PCDH15: variants seen among roughly 807,000 people sequenced by gnomAD.
PCDH15 encodes protocadherin-15.
Under a neutral mutation model 178.5 loss-of-function variants are expected in PCDH15, and 129 were observed. The observed-to-expected ratio is 0.72, with a 90% CI of 0.63 to 0.84. The LOEUF is 0.84. PCDH15 is among the 40% of genes least tolerant of loss of function. The pLI is 0.00. For synonymous variants in PCDH15, 800 were observed against 732.0 expected, an observed-to-expected ratio of 1.09 and a Z score of -1.50; for missense variants, 2,230 against 2,099.9, an observed-to-expected ratio of 1.06 and a Z score of -1.21.
At chr10:54,975,927 C>T (rs754371328) in intron 2 of PCDH15, among the ~76,000 whole-genome samples, 38 of 151,970 alleles carry the variant, frequency 2.5e-4, no homozygotes, top group East Asian at 3.9e-4. Context: ...AATTTTAGAA[C>T]GCAAGTTTTT....
At chr10:54,102,159 C>CA (rs1266739942) in intron 15 of PCDH15, among the ~76,000 whole-genome samples, 4 of 152,070 alleles carry the variant, frequency 2.6e-5, no homozygotes, top group Non-Finnish European at 4.4e-5. Flanking sequence ...TCTCCCTTTC[C>CA]AAAAACCTAT....
Position 54,854,611 on chromosome 10 carries a change from T to C in PCDH15, c.-29+42839A>G, listed in dbSNP as rs73256029. On this transcript the variant is annotated intron_variant, in intron 3 of 5. Transcript: ENST00000458638. Reference sequence around the variant, plus strand: ...GGAGTGGACAGCTCCTCTCTGCAGCTGATCATCCTGACATCTGCTGCTCTC... The same window carrying C: ...GGAGTGGACAGCTCCTCTCTGCAGCCGATCATCCTGACATCTGCTGCTCTC... Among the ~76,000 whole-genome samples, 495 of 152,258 alleles carry C rather than the reference T, an allele frequency of 3.3e-3. 1 individual carries two copies. The highest frequency in any genetic ancestry group is 0.011 in the African/African-American group (477 of 41,566).
chr10:54,290,951 G>A (rs910071672), intron 8 of PCDH15, among the ~76,000 whole-genome samples: 2 of 152,202 alleles, frequency 1.3e-5, no homozygotes, highest in Admixed American at 6.5e-5. Flanking sequence ...AATAATGGGA[G>A]ACTTTAACGC....
chr10:54,995,395 A>G (rs1839615462), intron 2 of PCDH15, among the ~76,000 whole-genome samples: 1 of 151,202 alleles, frequency 6.6e-6, no homozygotes, highest in Non-Finnish European at 1.5e-5. Context: ...CCGTCTCAAA[A>G]AAAAAAAAAA....
chr10:54,317,476 T>C (rs1371019150), intron 7 of PCDH15, 35 bp from the exon 8 acceptor site: 4 of 1,611,258 alleles, frequency 2.5e-6, no homozygotes, highest in South Asian at 2.2e-5. Context: ...AGGTAGTTTA[T>C]AGAAATTAGG....
chr10:54,582,637 G>T (rs1051163290), intron 2 of PCDH15, among the ~76,000 whole-genome samples: 33 of 152,100 alleles, frequency 2.2e-4, no homozygotes, highest in Non-Finnish European at 8.8e-5. Flanking sequence ...TACTGGCAAG[G>T]TGTGGTGTCT....
chr10:54,127,727 T>TGAATAAG (rs1173286481), intron 15 of PCDH15, among the ~76,000 whole-genome samples: 1 of 152,182 alleles, frequency 6.6e-6, no homozygotes, highest in Non-Finnish European at 1.5e-5. Context: ...ATACTCAGTT[T>TGAATAAG]GAATAAGGAA....
intron 2 of PCDH15, chr10:55,166,426 T>C (rs1015280145): frequency 1.3e-5 from 2 of 152,176 alleles, no homozygotes; most frequent in Non-Finnish European, 2.9e-5. Flanking sequence ...GAATCCAACA[T>C]AACATATATC....
intron 3 of PCDH15, among the ~76,000 whole-genome samples, chr10:54,860,131 TC>T (rs1953813524): frequency 6.6e-6 from 1 of 152,042 alleles, no homozygotes; most frequent in Non-Finnish European, 1.5e-5. Context: ...CTTTCCTTGT[TC>T]TACTGAGTTT....
chr10:55,206,107 G>A (rs1840392786), intron 1 of PCDH15, among the ~76,000 whole-genome samples: 2 of 151,880 alleles, frequency 1.3e-5, no homozygotes, highest in African/African-American at 4.8e-5. Context: ...GGGACACAGG[G>A]CCAAACCATA....
intron 26 of PCDH15, among the ~76,000 whole-genome samples, chr10:53,889,976 G>A (rs542964020): frequency 2.6e-5 from 4 of 152,332 alleles, no homozygotes; most frequent in Non-Finnish European, 1.5e-5. Flanking sequence ...GGGATGTGGA[G>A]CAGGAACTGG....
At chr10:54,243,508 A>G (rs138854018) in intron 8 of PCDH15, among the ~76,000 whole-genome samples, 358 of 151,442 alleles carry the variant, frequency 2.4e-3, no homozygotes, top group African/African-American at 8.4e-3. Context: ...CTCAGCGTCA[A>G]AAAAAAAAGT....
intron 2 of PCDH15, among the ~76,000 whole-genome samples, chr10:54,632,670 G>A (rs1468007638): frequency 6.6e-6 from 1 of 151,968 alleles, no homozygotes; most frequent in Non-Finnish European, 1.5e-5. Flanking sequence ...AGAATAAGGG[G>A]ACACTGACAT....
chr10:54,667,569 G>A (rs116917847), intron 1 of PCDH15, among the ~76,000 whole-genome samples: 6,609 of 152,144 alleles, frequency 0.043, 193 homozygotes, highest in Middle Eastern at 0.085. Flanking sequence ...TCCTATAGGA[G>A]ATGAATTCCA....
At chr10:53,982,788 T>G (rs2090771362) in intron 21 of PCDH15, among the ~76,000 whole-genome samples, 1 of 151,684 alleles carries the variant, frequency 6.6e-6, no homozygotes, top group African/African-American at 2.4e-5. Flanking sequence ...ACCTGCACAT[T>G]GTGCACATGT....
chr10:54,079,902 A>G (rs2094409076), intron 16 of PCDH15, among the ~76,000 whole-genome samples: 1 of 152,126 alleles, frequency 6.6e-6, no homozygotes, highest in Admixed American at 6.6e-5. Context: ...TATGGATAAA[A>G]GTTTTTCTTT....
chr10:54,960,896 C>A (rs1203600358), intron 2 of PCDH15, among the ~76,000 whole-genome samples: 1 of 152,098 alleles, frequency 6.6e-6, no homozygotes, highest in Non-Finnish European at 1.5e-5. Flanking sequence ...ATTCTGATAA[C>A]AGATCAGAGA....
intron 2 of PCDH15, among the ~76,000 whole-genome samples, chr10:54,568,940 T>C (rs2089419430): frequency 6.6e-6 from 1 of 152,042 alleles, no homozygotes; most frequent in Admixed American, 6.6e-5. Context: ...TTGTAGTCTG[T>C]AATATATGAT....
chr10:54,819,780 T>C (rs1953006743), intron 3 of PCDH15, among the ~76,000 whole-genome samples: 1 of 152,000 alleles, frequency 6.6e-6, no homozygotes, highest in Admixed American at 6.6e-5. Flanking sequence ...CTTTGGAAAG[T>C]GGTAAGTTCA....
Sources: allele counts gnomAD v4.1 joint callset (sites outside exome capture counted in the v4.1 genomes callset), GRCh38; gene constraint gnomAD v4.1.1; transcripts MANE v1.5; gene names NCBI Gene and HGNC (gene_info 2026-07-23, HGNC 2026-07-21).